FBXL13: variants seen among roughly 807,000 people sequenced by gnomAD.
The protein encoded by FBXL13 is F-box and leucine rich repeat protein 13.
A neutral mutation model predicts 83.6 loss-of-function variants in FBXL13; 67 were observed. The ratio of observed to expected loss-of-function variants is 0.80; its 90% CI spans 0.66 to 0.98. The LOEUF is 0.98. Among genes scored for constraint, FBXL13 ranks in the 50% least tolerant of loss-of-function variants. FBXL13 has a pLI of 0.00. For synonymous variants in FBXL13, 272 were observed against 299.5 expected, an observed-to-expected ratio of 0.91 and a Z score of 0.95; for missense variants, 822 against 866.5, an observed-to-expected ratio of 0.95 and a Z score of 0.64.
intron 16 of FBXL13, among the ~76,000 whole-genome samples, chr7:102,870,702 G>A (rs1808410404): frequency 6.6e-6 from 1 of 152,188 alleles, no homozygotes; most frequent in Non-Finnish European, 1.5e-5. Flanking sequence ...GGGGCATGAG[G>A]TGGTCCTGGA....
At chr7:103,016,905 C>T (rs566570175) in intron 6 of FBXL13, among the ~76,000 whole-genome samples, 1 of 152,364 alleles carries the variant, frequency 6.6e-6, no homozygotes, top group South Asian at 2.1e-4. Context: ...AGGGGCAGGG[C>T]ATAGCCGAAC....
chr7:102,975,468 C>A (rs183692195), intron 6 of FBXL13, among the ~76,000 whole-genome samples: 1 of 152,316 alleles, frequency 6.6e-6, no homozygotes, highest in East Asian at 1.9e-4. Flanking sequence ...CAGTCCCCAA[C>A]CAGGACCCCC....
intron 5 of FBXL13, among the ~76,000 whole-genome samples, chr7:103,026,681 C>T (rs571097457): frequency 3.9e-5 from 6 of 152,300 alleles, no homozygotes; most frequent in African/African-American, 1.2e-4. Flanking sequence ...AGTAATAAAT[C>T]TCCTCATACT....
intron 1 of FBXL13, 26 bp from the exon 2 acceptor site, chr7:103,055,773 C>T (rs763757293): frequency 2.7e-5 from 28 of 1,056,318 alleles, no homozygotes; most frequent in African/African-American, 2.2e-4. Flanking sequence ...GAAATGGCAT[C>T]AATGTTTCTG....
intron 6 of FBXL13, among the ~76,000 whole-genome samples, chr7:102,980,634 G>A (rs999522385): frequency 7.9e-5 from 12 of 152,226 alleles, no homozygotes; most frequent in Middle Eastern, 6.8e-3. Flanking sequence ...AGAATTAGCC[G>A]GGTGTGGTGG....
At chr7:103,069,073 C>T (rs1472931939) in intron 1 of FBXL13, among the ~76,000 whole-genome samples, 1 of 149,738 alleles carries the variant, frequency 6.7e-6, no homozygotes, top group African/African-American at 2.5e-5. Context: ...TCTGCCCGGC[C>T]GCCCCACCAC....
intron 14 of FBXL13, among the ~76,000 whole-genome samples, chr7:102,881,436 C>CAAATA (rs1554435205): frequency 3.3e-5 from 2 of 61,416 alleles, no homozygotes; most frequent in East Asian, 1.0e-3. Flanking sequence ...GACTCCATCT[C>CAAATA]AAAAAAAAAA....
intron 1 of FBXL13, among the ~76,000 whole-genome samples, chr7:103,071,551 C>CTTTTT (rs774310534): frequency 7.9e-6 from 1 of 126,208 alleles, no homozygotes; most frequent in Non-Finnish European, 1.7e-5. Flanking sequence ...GACAAGTTAG[C>CTTTTT]TTTTTTTTTT....
chr7:102,834,090 G>GGAAGGAAAGA (rs60060071), intron 17 of FBXL13, among the ~76,000 whole-genome samples: 69 of 70,390 alleles, frequency 9.8e-4, no homozygotes, highest in Admixed American at 2.1e-3. Flanking sequence ...GGAAAGAAAA[G>GGAAGGAAAGA]AAAGAAAGAA....
intron 9 of FBXL13, 41 bp downstream of exon 10, chr7:102,931,840 A>G (rs1212330845): frequency 6.3e-7 from 1 of 1,586,422 alleles, no homozygotes; most frequent in South Asian, 1.1e-5. Flanking sequence ...GTAGCAAGTC[A>G]ATCTATATAA....
intron 11 of FBXL13, among the ~76,000 whole-genome samples, chr7:102,903,635 A>AT (rs1017097563): frequency 4.4e-4 from 67 of 151,698 alleles, no homozygotes; most frequent in Admixed American, 3.9e-3. Context: ...GGGATATTGA[A>AT]TTTTTTTTAA....
chr7:102,920,810 C>T (rs1342197986), intron 10 of FBXL13, among the ~76,000 whole-genome samples: 2 of 152,038 alleles, frequency 1.3e-5, no homozygotes, highest in African/African-American at 4.8e-5. Context: ...GTAGTTATTC[C>T]ACAAAAAGAA....
At chr7:102,930,870 TCTC>T (rs777371104) in intron 9 of FBXL13, among the ~76,000 whole-genome samples, 14 of 152,224 alleles carry the variant, frequency 9.2e-5, no homozygotes, top group Non-Finnish European at 2.1e-4. Context: ...CTACTTGGTA[TCTC>T]CAGATAGTTG....
At chr7:103,004,147 A>G (rs1790722651) in intron 6 of FBXL13, among the ~76,000 whole-genome samples, 1 of 152,128 alleles carries the variant, frequency 6.6e-6, no homozygotes, top group Non-Finnish European at 1.5e-5. Context: ...AGAATTAGTA[A>G]TTTATTTCAG....
intron 6 of FBXL13, among the ~76,000 whole-genome samples, chr7:103,019,997 G>C (rs375906876): frequency 2.6e-4 from 40 of 152,214 alleles, no homozygotes; most frequent in African/African-American, 7.9e-4. Context: ...ATCCTGATAC[G>C]AAAGCCTGGC....
At chr7:103,064,455 TG>T (rs952424674) in intron 1 of FBXL13, among the ~76,000 whole-genome samples, 1 of 152,202 alleles carries the variant, frequency 6.6e-6, no homozygotes, top group African/African-American at 2.4e-5. Flanking sequence ...CATCTGCTCC[TG>T]GAGAACATGG....
intron 16 of FBXL13, among the ~76,000 whole-genome samples, chr7:102,856,252 G>A (rs1158603204): frequency 6.6e-6 from 1 of 152,098 alleles, no homozygotes; most frequent in Non-Finnish European, 1.5e-5. Flanking sequence ...ATGTGGTCTG[G>A]GTTCCAGATG....
At chr7:102,869,006 T>A (rs868829939) in intron 16 of FBXL13, among the ~76,000 whole-genome samples, 23 of 152,338 alleles carry the variant, frequency 1.5e-4, no homozygotes, top group African/African-American at 5.5e-4. Flanking sequence ...AGTAGTGGGA[T>A]TGCCAGAACA....
At chr7:102,950,708 T>TAAAGGAAATTTAATTGCA in intron 8 of FBXL13, among the ~76,000 whole-genome samples, 1 of 152,190 alleles carries the variant, frequency 6.6e-6, no homozygotes, top group Non-Finnish European at 1.5e-5. Flanking sequence ...TGAAAAGACA[T>TAAAGGAAATTTAATTGCA]AAAGGAAATT....
Sources: allele counts gnomAD v4.1 joint callset (sites outside exome capture counted in the v4.1 genomes callset), GRCh38; gene constraint gnomAD v4.1.1; transcripts MANE v1.5; gene names NCBI Gene and HGNC (gene_info 2026-07-23, HGNC 2026-07-21).